RFWD3: variants seen among roughly 807,000 people sequenced by gnomAD.
RFWD3 encodes E3 ubiquitin-protein ligase RFWD3.
In RFWD3, 65 loss-of-function variants were observed where a neutral mutation model predicts 87.7. That is an observed-to-expected ratio of 0.74 (90% CI 0.61 to 0.91). The LOEUF (loss-of-function observed/expected upper bound fraction) is 0.91, where lower values mean the gene tolerates loss of function less well. Among genes scored for constraint, RFWD3 ranks in the 40% least tolerant of loss-of-function variants. The pLI, the probability that RFWD3 is intolerant of heterozygous loss-of-function variation, is 0.00. For synonymous variants in RFWD3, 433 were observed against 352.8 expected, an observed-to-expected ratio of 1.23 and a Z score of -2.55; for missense variants, 1,078 against 938.5, an observed-to-expected ratio of 1.15 and a Z score of -1.94.
chr16:74,630,048 T>C (rs959896781), intron 10 of RFWD3, among the ~76,000 whole-genome samples: 17 of 152,224 alleles, frequency 1.1e-4, no homozygotes, highest in African/African-American at 4.1e-4. Context: ...TAAATCACTT[T>C]TGATTAGGTT....
intron 2 of RFWD3, among the ~76,000 whole-genome samples, chr16:74,653,019 G>C (rs1049941288): frequency 6.6e-6 from 1 of 152,112 alleles, no homozygotes; most frequent in African/African-American, 2.4e-5. Flanking sequence ...AGGAGTTCCT[G>C]AGGAAGGATC....
chr16:74,626,330 G>GT lies in RFWD3; in HGVS notation c.2181+12dup. 6.2e-7 allele frequency: 1 copy of GT among 1,608,870 alleles called. No homozygotes were observed. The highest frequency in any genetic ancestry group is 8.5e-7 in the Non-Finnish European group (1 of 1,175,606). ...CTACTTTTTATATGAAAGTAAAAAA[G>GT]TAACAGGCTCACCAGGGCAGAATTT... On this transcript the variant is annotated intron_variant, in intron 12 of 12. Coordinates refer to ENST00000361070, the MANE Select transcript of RFWD3 (RefSeq NM_018124.4).
intron 7 of RFWD3, among the ~76,000 whole-genome samples, chr16:74,636,998 C>G (rs1402327471): frequency 1.3e-5 from 2 of 151,898 alleles, no homozygotes; most frequent in African/African-American, 2.4e-5. Context: ...CAGGCGTGAG[C>G]CACCGCGCCC....
chr16:74,649,339 G>T, intron 3 of RFWD3, 137 bp from the exon 4 acceptor site: 1 of 569,158 alleles, frequency 1.8e-6, no homozygotes, highest in Non-Finnish European at 3.1e-6. Flanking sequence ...CAAAAAGGAT[G>T]ACAACTTCCC....
chr16:74,651,817 A>AG, intron 3 of RFWD3, 103 bp downstream of exon 3: 1 of 979,940 alleles, frequency 1.0e-6, no homozygotes, highest in East Asian at 2.4e-5. Flanking sequence ...CATTTAGGGG[A>AG]GAAAAGGGAA....
chr16:74,652,205 T>C, intron 2 of RFWD3, 83 bp from the exon 3 acceptor site: 2 of 1,281,356 alleles, frequency 1.6e-6, no homozygotes, highest in Non-Finnish European at 2.2e-6. Flanking sequence ...AAGTAAATCC[T>C]ATCACTTCAA....
Position 74,651,950 on chromosome 16 carries a change from C to G in RFWD3, c.691G>C (p.Ala231Pro), listed in dbSNP as rs770295734. ...SAEYGGVVDQ[A>P]EESGAVILEE... is the part of the protein sequence containing the mutation. ...AAAATGACAGCTCCAGATTCCTCTG[C>G]CTGGTCAACAACCCCTCCATACTCT... is the stretch of plus-strand genomic sequence containing the variant. Residue 231 changes from alanine to proline, a missense_variant, in exon 3 of 13, where the codon GCA becomes CCA. By Grantham distance (27) the Ala-to-Pro change is conservative. Transcript: ENST00000361070. 7.4e-6 allele frequency: 12 copies of G among 1,613,842 alleles called. No homozygotes were observed. The highest frequency in any genetic ancestry group is 1.0e-5 in the Non-Finnish European group (12 of 1,179,888).
intron 4 of RFWD3, among the ~76,000 whole-genome samples, chr16:74,648,058 C>G (rs1960293421): frequency 6.6e-6 from 1 of 152,114 alleles, no homozygotes; most frequent in African/African-American, 2.4e-5. Context: ...GTAATCCTGT[C>G]TCAGACTCCC....
chr16:74,636,317 C>A (rs764816178), intron 8 of RFWD3, 29 bp downstream of exon 8: 1 of 1,584,240 alleles, frequency 6.3e-7, no homozygotes, highest in Admixed American at 1.7e-5. Flanking sequence ...TAATAAAGAA[C>A]ATGAAAGCTG....
intron 3 of RFWD3, among the ~76,000 whole-genome samples, chr16:74,651,537 T>C (rs1026790949): frequency 1.3e-5 from 2 of 152,158 alleles, no homozygotes; most frequent in Non-Finnish European, 2.9e-5. Flanking sequence ...GAGGATGGCT[T>C]GAGCCCAAGA....
intron 3 of RFWD3, among the ~76,000 whole-genome samples, chr16:74,650,804 G>C (rs747307227): frequency 6.6e-6 from 1 of 151,930 alleles, no homozygotes; most frequent in Non-Finnish European, 1.5e-5. Flanking sequence ...TTGAGCCTGG[G>C]AGGTCAAGGC....
chr16:74,652,002 A>G lies in RFWD3; in HGVS notation c.639T>C (p.Ser213=). 6.2e-7 allele frequency: 1 copy of G among 1,614,126 alleles called. No homozygotes were observed. Among genetic ancestry groups the G allele is most frequent in the Non-Finnish European group, 8.5e-7 (1 of 1,180,004 alleles). ...CAGAGCTGTCACTGTCAGAATCAGA[A>G]CTACTAGACACCTGCAACTCTTCAG... ...PVSEELQVSS[S]SDSDSDSSAE... Residue 213 remains serine (S), a synonymous_variant, in exon 3 of 13, where the codon AGT becomes AGC. Coordinates refer to ENST00000361070, the MANE Select transcript of RFWD3 (RefSeq NM_018124.4).
At chr16:74,630,252 C>T (rs965755755) in intron 10 of RFWD3, among the ~76,000 whole-genome samples, 3 of 152,194 alleles carry the variant, frequency 2.0e-5, no homozygotes, top group Admixed American at 6.5e-5. Flanking sequence ...TGTGCCACCA[C>T]GCATGGCTAA....
chr16:74,660,519 T>G (rs1961342792), intron 2 of RFWD3: 1 of 173,284 alleles, frequency 5.8e-6, no homozygotes, highest in South Asian at 1.4e-4. Context: ...ATAATAACCC[T>G]GTCAAGACTT....
chr16:74,636,559 ACG>A lies in RFWD3; in HGVS notation c.1211_1212del (p.Thr404IlefsTer53). 1 of 1,613,446 alleles carries A rather than the reference ACG, an allele frequency of 6.2e-7. No individual in the cohort carries two copies. ...QRRVQDLQKL[T>X]SHQSQNLQQP... ...TGCTGTAAATTCTGACTTTGATGTG[ACG>A]TAAGTTTTTGCAAGTCCTAAAATGA... On this transcript the variant is annotated frameshift_variant, in exon 8 of 13. Transcript: ENST00000361070. LOFTEE classifies it high-confidence loss of function.
Position 74,636,411 on chromosome 16 carries a change from G to T in RFWD3, c.1361C>A (p.Ala454Glu). The change falls in exon 8 of 13, where the codon GCA becomes GAA. Residue 454 changes from alanine (A) to glutamate (E), a missense_variant. Transcript: ENST00000361070. ...VSQAGNCRIMAYCDALSCLVI... is the reference protein window; with the variant it reads ...VSQAGNCRIMEYCDALSCLVI... ...CAGGCAGCTCAGAGCATCACAGTAT[G>T]CCATGATCCGGCAGTTTCCTGCCTG... 6.2e-7 allele frequency: 1 copy of T among 1,614,226 alleles called. No homozygotes were observed. The highest frequency in any genetic ancestry group is 8.5e-7 in the Non-Finnish European group (1 of 1,180,042).
At position 74,624,088 on chromosome 16, in the gene RFWD3, G is replaced by A; in HGVS notation, c.2182-17C>T. The A allele has an allele frequency of 6.2e-7, 1 of 1,612,710 alleles. No homozygotes were observed. Among genetic ancestry groups the A allele is most frequent in the Non-Finnish European group, 8.5e-7 (1 of 1,179,408 alleles). On this transcript the variant is annotated splice_polypyrimidine_tract_variant and intron_variant, in intron 12 of 12. Transcript: ENST00000361070. ...ATCCCACAGCTAAAGAACACAAGCA[G>A]AGGGAAGGGTCAGGAGTCAGTCAGT...
At chr16:74,629,978 T>C (rs117290951) in intron 10 of RFWD3, among the ~76,000 whole-genome samples, 3,032 of 152,348 alleles carry the variant, frequency 0.02, 40 homozygotes, top group Non-Finnish European at 0.028. Flanking sequence ...GATTAAATGA[T>C]AAATAATAAT....
intron 2 of RFWD3, among the ~76,000 whole-genome samples, chr16:74,660,213 T>G (rs1961313435): frequency 6.6e-6 from 1 of 152,240 alleles, no homozygotes; most frequent in African/African-American, 2.4e-5. Context: ...AAGCCCTCTC[T>G]GAGCGGAGAT....
Sources: allele counts gnomAD v4.1 joint callset (sites outside exome capture counted in the v4.1 genomes callset), GRCh38; gene constraint gnomAD v4.1.1; transcripts MANE v1.5; gene names NCBI Gene and HGNC (gene_info 2026-07-23, HGNC 2026-07-21).